KCND2: variants seen among roughly 807,000 people sequenced by gnomAD.
KCND2 encodes the protein A-type voltage-gated potassium channel KCND2.
Under a neutral mutation model 54.4 loss-of-function variants are expected in KCND2, and 16 were observed. The ratio of observed to expected loss-of-function variants is 0.29; its 90% confidence interval spans 0.20 to 0.45. The LOEUF is 0.45. Among genes scored for constraint, KCND2 ranks in the 20% least tolerant of loss-of-function variants. KCND2 has a pLI of 1.00. For missense variants in KCND2, 486 were observed against 824.2 expected (o/e 0.59, Z 5.02); for synonymous variants, 317 against 310.7 (o/e 1.02, Z -0.21).
chr7:120,312,243 C>T (rs1408741838), intron 1 of KCND2, among the ~76,000 whole-genome samples: 1 of 151,992 alleles, frequency 6.6e-6, no homozygotes, highest in Non-Finnish European at 1.5e-5. Flanking sequence ...CGTAGTATTC[C>T]ATGGTGTATA....
At chr7:120,463,908 T>TAGAC (rs752306195) in intron 1 of KCND2, 1 of 170,564 alleles carries the variant, frequency 5.9e-6, no homozygotes, top group Middle Eastern at 2.8e-3. Context: ...GATTGATAGA[T>TAGAC]AGATAGATAG....
intron 1 of KCND2, among the ~76,000 whole-genome samples, chr7:120,467,691 A>G (rs1206589118): frequency 6.6e-6 from 1 of 152,156 alleles, no homozygotes; most frequent in African/African-American, 2.4e-5. Context: ...TATTAGCTAT[A>G]TAAAATTTGC....
At chr7:120,454,999 A>G (rs886960907) in intron 1 of KCND2, among the ~76,000 whole-genome samples, 2 of 152,178 alleles carry the variant, frequency 1.3e-5, no homozygotes, top group Non-Finnish European at 2.9e-5. Flanking sequence ...TCTCTAAAGC[A>G]AGAATAATGA....
intron 1 of KCND2, among the ~76,000 whole-genome samples, chr7:120,512,801 CT>C (rs796237031): frequency 0.03 from 4,100 of 137,284 alleles, 50 homozygotes; most frequent in Non-Finnish European, 0.048. Flanking sequence ...TTTCTTTTTT[CT>C]TTTTTTTTTT....
chr7:120,496,437 T>C (rs1445784076), intron 1 of KCND2, among the ~76,000 whole-genome samples: 1 of 151,802 alleles, frequency 6.6e-6, no homozygotes, highest in African/African-American at 2.4e-5. Flanking sequence ...TTTTTTAATT[T>C]TTTTTGAGAT....
intron 1 of KCND2, among the ~76,000 whole-genome samples, chr7:120,460,335 T>C (rs1007233361): frequency 9.2e-5 from 14 of 152,278 alleles, no homozygotes; most frequent in African/African-American, 3.4e-4. Flanking sequence ...TGGGCAAAAA[T>C]AGGAAATGTG....
intron 1 of KCND2, among the ~76,000 whole-genome samples, chr7:120,350,325 T>G (rs937810024): frequency 2.0e-5 from 3 of 152,052 alleles, no homozygotes; most frequent in African/African-American, 7.2e-5. Context: ...AAGTGAAAAG[T>G]TAAGGTTTTC....
chr7:120,637,972 C>T (rs2116525161), intron 1 of KCND2, among the ~76,000 whole-genome samples: 1 of 151,816 alleles, frequency 6.6e-6, no homozygotes, highest in Non-Finnish European at 1.5e-5. Flanking sequence ...AAGTACAAAC[C>T]TAACTGATAG....
At chr7:120,694,593 A>C (rs987182507) in intron 1 of KCND2, among the ~76,000 whole-genome samples, 1 of 152,096 alleles carries the variant, frequency 6.6e-6, no homozygotes, top group Non-Finnish European at 1.5e-5. Context: ...TACTGCCTCC[A>C]ATTATGAAAT....
chr7:120,540,658 G>A, intron 1 of KCND2, among the ~76,000 whole-genome samples: 1 of 152,242 alleles, frequency 6.6e-6, no homozygotes, highest in South Asian at 2.1e-4. Flanking sequence ...TAAGAGAAGT[G>A]GTACCCAAGG....
At chr7:120,292,006 T>A (rs1431336346) in intron 1 of KCND2, among the ~76,000 whole-genome samples, 1 of 151,944 alleles carries the variant, frequency 6.6e-6, no homozygotes, top group Non-Finnish European at 1.5e-5. Context: ...CTATACCTGT[T>A]GTTTTTCTGT....
intron 1 of KCND2, among the ~76,000 whole-genome samples, chr7:120,660,297 A>G (rs1791850281): frequency 6.6e-6 from 1 of 152,228 alleles, no homozygotes; most frequent in Admixed American, 6.5e-5. Flanking sequence ...TAAAATGCAT[A>G]CATTCTTTCT....
chr7:120,740,560 A>G (rs1792927580), intron 2 of KCND2, among the ~76,000 whole-genome samples: 2 of 152,114 alleles, frequency 1.3e-5, no homozygotes, highest in Non-Finnish European at 2.9e-5. Context: ...GACTGTTTCC[A>G]TGACGGTCTA....
chr7:120,519,335 A>C (rs999651254), intron 1 of KCND2, among the ~76,000 whole-genome samples: 2 of 152,094 alleles, frequency 1.3e-5, no homozygotes, highest in African/African-American at 4.8e-5. Context: ...TGACTGAGTG[A>C]GACTTTTCTC....
intron 1 of KCND2, among the ~76,000 whole-genome samples, chr7:120,309,711 T>A (rs568705450): frequency 6.6e-6 from 1 of 151,968 alleles, no homozygotes; most frequent in Non-Finnish European, 1.5e-5. Flanking sequence ...AGATATCTTA[T>A]GTTATGGACT....
At chr7:120,689,201 GT>G (rs900444890) in intron 1 of KCND2, among the ~76,000 whole-genome samples, 2 of 152,076 alleles carry the variant, frequency 1.3e-5, no homozygotes, top group African/African-American at 4.8e-5. Flanking sequence ...TGCATTTTTA[GT>G]TTCTGGACAC....
In KCND2 at chr7:120,748,587, T is replaced by C. The variant is rs1793034858; in HGVS notation, c.*729T>C. On this transcript the variant is annotated 3_prime_UTR_variant, in exon 6 of 6. Coordinates refer to ENST00000331113, the MANE Select transcript of KCND2 (RefSeq NM_012281.3). ...ATCGTTTAACTTTGCACCTAGATAC[T>C]GTTACAACTGCAATAATTTGTTGTA... 6.6e-6 allele frequency: 1 copy of C among 152,458 alleles called. No homozygotes were observed. Among genetic ancestry groups the C allele is most frequent in the Non-Finnish European group, 1.5e-5 (1 of 67,910 alleles). 9.4% of individuals were successfully genotyped at this position (152,458 alleles called of 1,614,324 possible).
intron 1 of KCND2, among the ~76,000 whole-genome samples, chr7:120,469,084 T>C (rs907918294): frequency 2.6e-5 from 4 of 152,058 alleles, no homozygotes; most frequent in Non-Finnish European, 5.9e-5. Context: ...TGCCTTCAAG[T>C]CCCTATATTT....
intron 1 of KCND2, among the ~76,000 whole-genome samples, chr7:120,456,270 G>T (rs1802199671): frequency 6.6e-6 from 1 of 152,160 alleles, no homozygotes; most frequent in East Asian, 1.9e-4. Context: ...TGACTAGGTA[G>T]GTGGGTGACA....
Sources: gnomAD v4.1 joint callset for allele counts (sites outside exome capture counted in the v4.1 genomes callset) on GRCh38, gnomAD v4.1.1 for gene constraint, MANE v1.5 for transcripts, NCBI Gene and HGNC (gene_info 2026-07-23, HGNC 2026-07-21) for gene names.